The following ACSL6 variants were observed in gnomAD, a reference collection of about 807,000 sequenced individuals.
ACSL6 encodes acyl-CoA synthetase long chain family member 6.
A neutral mutation model predicts 98.2 loss-of-function variants in ACSL6; 47 were observed. The observed-to-expected ratio is 0.48, with a 90% CI of 0.38 to 0.61. ACSL6 has a LOEUF of 0.61. Among genes scored for constraint, ACSL6 ranks in the 20% least tolerant of loss-of-function variants. The pLI is 0.00. For missense variants in ACSL6, 761 were observed against 913.4 expected (o/e 0.83, Z 2.15); for synonymous variants, 362 against 336.9 (o/e 1.07, Z -0.82).
chr5:131,988,257 A>G, intron 6 of ACSL6, 31 bp from the exon 7 acceptor site: 2 of 1,610,634 alleles, frequency 1.2e-6, no homozygotes, highest in Admixed American at 3.3e-5. Flanking sequence ...GAGTCAGGCC[A>G]TGTGGGCCCA....
chr5:131,997,002 C>T (rs1441738581), intron 1 of ACSL6, among the ~76,000 whole-genome samples: 1 of 152,212 alleles, frequency 6.6e-6, no homozygotes, highest in Non-Finnish European at 1.5e-5. Flanking sequence ...GTTGAAAGAG[C>T]ACATGGGACA....
In ACSL6 at chr5:132,011,239, A is replaced by C. The variant is rs1755707114; in HGVS notation, c.49+266T>G. Among the ~76,000 whole-genome samples, 1 of 151,996 alleles carries C rather than the reference A, an allele frequency of 6.6e-6. No homozygotes were observed. The highest frequency in any genetic ancestry group is 1.9e-4 in the East Asian group (1 of 5,156). On this transcript the variant is annotated intron_variant, in intron 1 of 20. Coordinates refer to ENST00000651883, the MANE Select transcript of ACSL6 (RefSeq NM_001009185.3). The surrounding 1 kb of genome is among the most constrained non-coding windows in gnomAD (Gnocchi z 5.4). ...GCCATCAGGGAAGGGGGACGCAAGA[A>C]CTCGGCGGGGGTTTGTGGTGGGGTC...
At chr5:131,996,868 C>A (rs1445221368) in intron 1 of ACSL6, among the ~76,000 whole-genome samples, 4 of 152,178 alleles carry the variant, frequency 2.6e-5, no homozygotes, top group Non-Finnish European at 5.9e-5. Flanking sequence ...GCCAGAAAAG[C>A]TGCCTGACTT....
chr5:131,985,241 T>A, intron 9 of ACSL6, 166 bp downstream of exon 9: 1 of 798,386 alleles, frequency 1.3e-6, no homozygotes, highest in Non-Finnish European at 2.0e-6. Flanking sequence ...GCCACTCTTA[T>A]GCAGGGCACT....
intron 14 of ACSL6, 82 bp downstream of exon 14, chr5:131,971,468 T>A: frequency 8.8e-7 from 1 of 1,130,200 alleles, no homozygotes; most frequent in Non-Finnish European, 1.2e-6. Context: ...CGGTTCTTTC[T>A]CTGAGCAGTA....
At position 131,971,639 on chromosome 5, in the gene ACSL6, G is replaced by A; in HGVS notation, c.1345C>T (p.Leu449Phe). ...ELFFNKIQAS[L>F]GGCVRMIVTG... ...ACAATCATCCGCACACACCCACCAA[G>A]ACTGGCCTGTGGGAAGAAAGAAGAG... Residue 449 changes from leucine (L) to phenylalanine (F), a missense_variant, in exon 14 of 21, where the codon CTT becomes TTT. Transcript: ENST00000651883. The A allele has an allele frequency of 6.2e-7, 1 of 1,604,418 alleles. No homozygotes were observed. Among genetic ancestry groups the A allele is most frequent in the Non-Finnish European group, 8.5e-7 (1 of 1,174,614 alleles).
intron 1 of ACSL6, chr5:132,001,875 A>C (rs575345660): frequency 6.6e-6 from 1 of 152,330 alleles, no homozygotes; most frequent in South Asian, 2.1e-4. Context: ...AGCCAGGCAC[A>C]AACAATGCTT....
At chr5:131,959,780 T>G in intron 19 of ACSL6, 173 bp from the exon 20 acceptor site, 1 of 639,606 alleles carries the variant, frequency 1.6e-6, no homozygotes, top group Non-Finnish European at 2.8e-6. Flanking sequence ...CCACCTCTCA[T>G]CTGGCAAGTA....
intron 11 of ACSL6, chr5:131,973,901 G>T (rs1325309132): frequency 6.5e-6 from 1 of 153,680 alleles, no homozygotes; most frequent in African/African-American, 2.4e-5. Flanking sequence ...GGAGCCCCTG[G>T]CTGGTTCCTA....
intron 19 of ACSL6, 150 bp downstream of exon 19, chr5:131,960,370 C>A (rs999266474): frequency 1.9e-6 from 1 of 534,226 alleles, no homozygotes; most frequent in African/African-American, 2.0e-5. Context: ...AAAGACAAAT[C>A]TCTGGTTTAG....
chr5:131,980,717 T>C (rs1310796652), intron 9 of ACSL6, among the ~76,000 whole-genome samples: 1 of 152,116 alleles, frequency 6.6e-6, no homozygotes, highest in Non-Finnish European at 1.5e-5. Flanking sequence ...ACTCCAGACC[T>C]GTGGCCCTTC....
At chr5:132,012,071 C>CA, upstream of ACSL6, 1 of 1,110,112 alleles carries the variant, frequency 9.0e-7, no homozygotes, top group Non-Finnish European at 1.2e-6. Context: ...GCTCGAATGG[C>CA]AGCCGGGTCG....
At chr5:131,985,207 A>G in intron 9 of ACSL6, 200 bp downstream of exon 9, 1 of 648,776 alleles carries the variant, frequency 1.5e-6, no homozygotes, top group East Asian at 2.9e-5. Flanking sequence ...GGACCTCCCA[A>G]TGCACACTAT....
At chr5:131,999,926 T>G (rs1429654178) in intron 1 of ACSL6, among the ~76,000 whole-genome samples, 2 of 152,156 alleles carry the variant, frequency 1.3e-5, no homozygotes, top group Non-Finnish European at 2.9e-5. Context: ...AAAGTCTCCT[T>G]ACACATCCAT....
chr5:131,958,590 A>G (rs938440452), intron 20 of ACSL6, among the ~76,000 whole-genome samples: 2 of 152,212 alleles, frequency 1.3e-5, no homozygotes, highest in African/African-American at 4.8e-5. Flanking sequence ...TTTTTAAAGA[A>G]AAACAGTATT....
intron 20 of ACSL6, among the ~76,000 whole-genome samples, chr5:131,958,505 C>T (rs1172379905): frequency 5.9e-5 from 9 of 152,136 alleles, no homozygotes; most frequent in Non-Finnish European, 1.0e-4. Flanking sequence ...TTTACCCAGG[C>T]CTAAATTGCC....
In ACSL6 at chr5:132,011,375, T is replaced by G; in HGVS notation, c.49+130A>C. 9.5e-7 allele frequency: 1 copy of G among 1,052,030 alleles called. No individual in the cohort carries two copies. The highest frequency in any genetic ancestry group is 1.6e-5 in the African/African-American group (1 of 61,608). The allele number at this position is 1,052,030 out of a possible 1,614,324, so 65.2% of individuals were successfully genotyped here. On this transcript the variant is annotated intron_variant, in intron 1 of 20. Transcript: ENST00000651883. The surrounding 1 kb of genome is among the most constrained non-coding windows in gnomAD (Gnocchi z 5.4). ...GTGTACTTAGGCGGCCCTGGGGACC[T>G]TGACGGGACAGCTCAGCAGCAGGGG...
At chr5:131,975,086 A>T in intron 10 of ACSL6, 116 bp from the exon 11 acceptor site, 1 of 1,348,272 alleles carries the variant, frequency 7.4e-7, no homozygotes, top group Non-Finnish European at 9.9e-7. Flanking sequence ...GAAGAGGGGG[A>T]GGGGAATGGG....
rs376969786 is a variant in ACSL6 at position 131,950,125 on chromosome 5, G to T, written c.*4109C>A. On this transcript the variant is annotated 3_prime_UTR_variant, in exon 21 of 21. Transcript: ENST00000651883. ...TAAAAAGTAATATTTTAATCCCCTC[G>T]ATTTTTAAAAATTGAAAGTGGAATA... The T allele has an allele frequency of 2.1e-5, 4 of 186,708 alleles. No individual in the cohort carries two copies. The highest frequency in any genetic ancestry group is 6.2e-5 in the Admixed American group (1 of 16,100). 11.6% of individuals were successfully genotyped at this position (186,708 alleles called of 1,614,324 possible).
Sources: allele counts gnomAD v4.1 joint callset (sites outside exome capture counted in the v4.1 genomes callset), GRCh38; gene constraint gnomAD v4.1.1; non-coding constraint Gnocchi (gnomAD v3.1); transcripts MANE v1.5; gene names NCBI Gene and HGNC (gene_info 2026-07-23, HGNC 2026-07-21).